C10orf67: variants seen among roughly 807,000 people sequenced by gnomAD.
The protein encoded by C10orf67 is chromosome 10 open reading frame 67.
C10orf67 carries 60 observed loss-of-function variants against 35.6 expected under a neutral mutation model. The ratio of observed to expected loss-of-function variants is 1.68; its 90% confidence interval spans 1.37 to 2.09. The LOEUF is 2.09. Among genes scored for constraint, C10orf67 ranks in the 30% most tolerant of loss-of-function variants. The probability of loss-of-function intolerance (pLI) is 0.00; values close to 1 mark genes in which losing one functional copy is unlikely to be tolerated. For synonymous variants in C10orf67, 167 were observed against 115.8 expected, an observed-to-expected ratio of 1.44 and a Z score of -2.84; for missense variants, 474 against 330.2, an observed-to-expected ratio of 1.44 and a Z score of -3.38.
At chr10:23,299,680 A>G (rs1237650408) in intron 5 of C10orf67, among the ~76,000 whole-genome samples, 1 of 152,086 alleles carries the variant, frequency 6.6e-6, no homozygotes, top group Non-Finnish European at 1.5e-5. Flanking sequence ...ACGACAGGAG[A>G]GTAAGACTGA....
chr10:23,209,490 T>C (rs1340771413), intron 15 of C10orf67, among the ~76,000 whole-genome samples: 3 of 152,146 alleles, frequency 2.0e-5, no homozygotes, highest in Non-Finnish European at 4.4e-5. Flanking sequence ...TTAGCAATAC[T>C]GTACTGTATA....
chr10:23,214,859 C>G (rs774016645), intron 15 of C10orf67, among the ~76,000 whole-genome samples: 2 of 152,060 alleles, frequency 1.3e-5, no homozygotes, highest in Non-Finnish European at 2.9e-5. Context: ...CCTGTCTCTA[C>G]TAAAAATATA....
chr10:23,248,511 T>A (rs1274045604), intron 12 of C10orf67, among the ~76,000 whole-genome samples: 1 of 152,192 alleles, frequency 6.6e-6, no homozygotes, highest in Non-Finnish European at 1.5e-5. Flanking sequence ...AAATCATGAA[T>A]TGACTGAGAA....
At chr10:23,216,774 T>C (rs1021365737) in intron 15 of C10orf67, among the ~76,000 whole-genome samples, 1 of 152,148 alleles carries the variant, frequency 6.6e-6, no homozygotes, top group Admixed American at 6.5e-5. Flanking sequence ...CCAAATGATG[T>C]TATAAATTAT....
chr10:23,212,936 T>C (rs570336672), intron 15 of C10orf67, among the ~76,000 whole-genome samples: 1 of 152,236 alleles, frequency 6.6e-6, no homozygotes, highest in South Asian at 2.1e-4. Flanking sequence ...TTTAAGTTGA[T>C]GAAACAGTAT....
intron 2 of C10orf67, 85 bp downstream of exon 2, chr10:23,332,977 T>A: frequency 7.5e-7 from 1 of 1,341,516 alleles, no homozygotes; most frequent in Non-Finnish European, 1.0e-6. Flanking sequence ...AAATTTTAAT[T>A]ATTTCACTTT....
chr10:23,222,343 T>G (rs967901753), intron 15 of C10orf67, among the ~76,000 whole-genome samples: 1 of 152,192 alleles, frequency 6.6e-6, no homozygotes, highest in African/African-American at 2.4e-5. Context: ...TTTTAGGGAA[T>G]GGAACTCTAT....
At position 23,299,674 on chromosome 10, in the gene C10orf67, C is replaced by G. The variant is rs1196749952; in HGVS notation, c.702+3630G>C. 5.9e-5 allele frequency among the ~76,000 whole-genome samples: 9 copies of G among 152,220 alleles called. No homozygotes were observed. The East Asian group carries it at 1.7e-3, about 29-fold the overall frequency. On this transcript the variant is annotated intron_variant, in intron 5 of 15. Coordinates refer to ENST00000636213, the MANE Select transcript of C10orf67 (RefSeq NM_001371909.1). ...AGATCTGGAGGACAATTGTCCACGA[C>G]AGGAGAGTAAGACTGAGAAGGGGGC...
chr10:23,280,240 T>C (rs1211430751), intron 8 of C10orf67, among the ~76,000 whole-genome samples: 1 of 152,180 alleles, frequency 6.6e-6, no homozygotes, highest in Non-Finnish European at 1.5e-5. Context: ...ATAACTTTCA[T>C]TGGAAAATAG....
rs972411319 is a variant in C10orf67, at chr10:23,225,127, G to C, written c.1435-1309C>G. The stretch of plus-strand genomic sequence containing the variant: ...TTAAGGGCAGTCAGAGAGAAAGGTC[G>C]GGTTACCCACAAAGGGAAGCCCATC... On this transcript the variant is annotated intron_variant, in intron 13 of 15. Transcript: ENST00000636213. Among the ~76,000 whole-genome samples, 4 of 152,108 alleles carry C rather than the reference G, an allele frequency of 2.6e-5. No homozygotes were observed. In the East Asian group the frequency reaches 5.8e-4, roughly 22 times the overall value.
At chr10:23,205,698 C>T (rs1841139026) in intron 15 of C10orf67, among the ~76,000 whole-genome samples, 2 of 152,080 alleles carry the variant, frequency 1.3e-5, no homozygotes, top group South Asian at 4.1e-4. Flanking sequence ...ACTAATACAA[C>T]CCATTAACAA....
At chr10:23,257,730 G>T (rs573626956) in intron 10 of C10orf67, among the ~76,000 whole-genome samples, 5 of 152,050 alleles carry the variant, frequency 3.3e-5, no homozygotes, top group Non-Finnish European at 7.4e-5. Context: ...CTGAACCCAG[G>T]AGACAGACGT....
chr10:23,254,879 G>C (rs1014446684), intron 10 of C10orf67, among the ~76,000 whole-genome samples: 19 of 151,702 alleles, frequency 1.3e-4, no homozygotes, highest in African/African-American at 4.1e-4. Flanking sequence ...ATTTTCTCTG[G>C]GCTTAATGAA....
intron 2 of C10orf67, among the ~76,000 whole-genome samples, chr10:23,330,667 G>A (rs1022493669): frequency 6.6e-6 from 1 of 151,688 alleles, no homozygotes; most frequent in African/African-American, 2.4e-5. Context: ...GTGAACCTGA[G>A]AGGCGGAGGT....
intron 15 of C10orf67, among the ~76,000 whole-genome samples, chr10:23,214,833 G>C (rs1210985398): frequency 1.3e-5 from 2 of 152,106 alleles, no homozygotes; most frequent in Non-Finnish European, 2.9e-5. Context: ...CACCAGCCTG[G>C]ACAACATGGC....
At chr10:23,211,213 C>T (rs1407081414) in intron 15 of C10orf67, among the ~76,000 whole-genome samples, 1 of 152,102 alleles carries the variant, frequency 6.6e-6, no homozygotes, top group Non-Finnish European at 1.5e-5. Context: ...CAGATCGTGG[C>T]CACCAATCCT....
chr10:23,261,212 T>C (rs557485706), intron 10 of C10orf67, among the ~76,000 whole-genome samples: 1 of 152,328 alleles, frequency 6.6e-6, no homozygotes, highest in Non-Finnish European at 1.5e-5. Flanking sequence ...ATACAAGGGC[T>C]GAGATACAGT....
chr10:23,256,729 G>A (rs1481747161), intron 10 of C10orf67, among the ~76,000 whole-genome samples: 3 of 151,630 alleles, frequency 2.0e-5, no homozygotes, highest in East Asian at 3.9e-4. Flanking sequence ...GAGAAAAATT[G>A]AGGGCAGAGC....
intron 13 of C10orf67, among the ~76,000 whole-genome samples, chr10:23,224,379 C>A (rs1220560919): frequency 6.6e-6 from 1 of 152,184 alleles, no homozygotes; most frequent in Non-Finnish European, 1.5e-5. Context: ...CCCATCTGTA[C>A]ATCACCATCA....
Sources: allele counts gnomAD v4.1 joint callset (sites outside exome capture counted in the v4.1 genomes callset), GRCh38; gene constraint gnomAD v4.1.1; transcripts MANE v1.5; gene names NCBI Gene and HGNC (gene_info 2026-07-23, HGNC 2026-07-21).